The following TSEN2 variants were observed in gnomAD, a reference collection of about 807,000 sequenced individuals.
TSEN2 encodes the protein tRNA-splicing endonuclease subunit Sen2.
In TSEN2, 54 loss-of-function variants were observed where a neutral mutation model predicts 59.2. That is an observed-to-expected ratio of 0.91 (90% CI 0.73 to 1.14). The LOEUF is 1.14. TSEN2 is among the 50% of genes most tolerant of loss of function. TSEN2 has a pLI of 0.00. For missense variants in TSEN2, 636 were observed against 576.2 expected, an observed-to-expected ratio of 1.10 and a Z score of -1.06; for synonymous variants, 195 against 198.2, an observed-to-expected ratio of 0.98 and a Z score of 0.14.
At chr3:12,484,278 T>C (rs945810530), upstream of TSEN2, among the ~76,000 whole-genome samples, 15 of 152,220 alleles carry the variant, frequency 9.9e-5, no homozygotes, top group African/African-American at 3.6e-4. Context: ...CTGGCTTCCG[T>C]ACAATCCTGC....
intron 9 of TSEN2, among the ~76,000 whole-genome samples, 189 bp downstream of exon 9, chr3:12,529,113 T>A (rs1312278862): frequency 6.6e-6 from 1 of 152,216 alleles, no homozygotes; most frequent in Admixed American, 6.5e-5. Flanking sequence ...ATGCATAGTT[T>A]ATGATAATAT....
At chr3:12,481,182 A>G (rs1248730895), upstream of TSEN2, among the ~76,000 whole-genome samples, 1 of 152,210 alleles carries the variant, frequency 6.6e-6, no homozygotes, top group East Asian at 1.9e-4. Flanking sequence ...TTCTGGGCAC[A>G]TTTCACCGAT....
chr3:12,527,510 G>A (rs2057183688), intron 8 of TSEN2, among the ~76,000 whole-genome samples: 1 of 147,912 alleles, frequency 6.8e-6, no homozygotes, highest in Non-Finnish European at 1.5e-5. Flanking sequence ...CTGGAGTGCA[G>A]TGGCGGGATC....
exon 11 of TSEN2, chr3:12,539,438 G>A (rs569686006): frequency 4.8e-5 from 10 of 207,034 alleles, no homozygotes; most frequent in Admixed American, 2.2e-4. Flanking sequence ...CCAGCTCTTA[G>A]CATGTGCTTT....
At chr3:12,524,405 C>T (rs114175358) in intron 8 of TSEN2, among the ~76,000 whole-genome samples, 8,587 of 152,264 alleles carry the variant, frequency 0.056, 339 homozygotes, top group Non-Finnish European at 0.081. Context: ...GCCAGGCTCC[C>T]TCCAAAGGCT....
intron 5 of TSEN2, among the ~76,000 whole-genome samples, chr3:12,504,895 G>T (rs2054649918): frequency 6.6e-6 from 1 of 152,168 alleles, no homozygotes; most frequent in South Asian, 2.1e-4. Context: ...CAGCTACTGG[G>T]AAGGCTGAGG....
downstream of TSEN2, among the ~76,000 whole-genome samples, chr3:12,537,404 A>G (rs1248127014): frequency 6.6e-6 from 1 of 152,178 alleles, no homozygotes; most frequent in Non-Finnish European, 1.5e-5. Flanking sequence ...GTCTCCAAGA[A>G]AATAAATAAA....
intron 2 of TSEN2, 133 bp from the exon 3 acceptor site, chr3:12,492,003 T>G: frequency 1.4e-6 from 1 of 720,490 alleles, no homozygotes; most frequent in South Asian, 1.6e-5. Flanking sequence ...CTCGACCATC[T>G]GCCGATTTTG....
chr3:12,489,786 T>A lies in TSEN2; in HGVS notation c.-15T>A. 6.2e-7 allele frequency: 1 copy of A among 1,611,484 alleles called. No homozygotes were observed. The highest frequency in any genetic ancestry group is 8.5e-7 in the Non-Finnish European group (1 of 1,179,764). On this transcript the variant is annotated splice_region_variant and 5_prime_UTR_variant, in exon 2 of 12. Coordinates refer to ENST00000284995, the MANE Select transcript of TSEN2 (RefSeq NM_025265.4). ...TGTTTGTTGTCTACTCTTTAAAGAA[T>A]ACCTCCTCTGAAAAATGGCAGAAGC...
chr3:12,524,139 C>G (rs1351040561), intron 8 of TSEN2, among the ~76,000 whole-genome samples: 3 of 152,072 alleles, frequency 2.0e-5, no homozygotes, highest in Non-Finnish European at 4.4e-5. Context: ...TTCTGTGTTG[C>G]CCAAGCTGGG....
At chr3:12,486,446 GTTTC>G (rs771547929) in intron 1 of TSEN2, among the ~76,000 whole-genome samples, 61 of 152,280 alleles carry the variant, frequency 4.0e-4, no homozygotes, top group Middle Eastern at 3.4e-3. Context: ...TTCCCTGAGG[GTTTC>G]TTTCTATCTT....
At chr3:12,531,432 G>A (rs1324418781) in intron 10 of TSEN2, 138 bp from the exon 11 acceptor site, 1 of 638,646 alleles carries the variant, frequency 1.6e-6, no homozygotes, top group African/African-American at 1.8e-5. Context: ...TCCCCAGGAG[G>A]AAACTGATGT....
intron 6 of TSEN2, among the ~76,000 whole-genome samples, chr3:12,511,959 A>C (rs2055517539): frequency 6.6e-6 from 1 of 152,260 alleles, no homozygotes; most frequent in South Asian, 2.1e-4. Flanking sequence ...TGTTAAAGAC[A>C]AAGGCAAAAT....
chr3:12,486,126 T>A (rs542213390), intron 1 of TSEN2, among the ~76,000 whole-genome samples: 1 of 152,320 alleles, frequency 6.6e-6, no homozygotes, highest in East Asian at 1.9e-4. Flanking sequence ...CCAGTCCTTC[T>A]GTGGATACCA....
chr3:12,536,156 G>C (rs2057668958), downstream of TSEN2, among the ~76,000 whole-genome samples: 2 of 152,190 alleles, frequency 1.3e-5, no homozygotes, highest in Admixed American at 1.3e-4. Context: ...AAAATAGCTG[G>C]AGGTAAAGTA....
chr3:12,481,923 GTA>G (rs10557886), upstream of TSEN2, among the ~76,000 whole-genome samples: 59,452 of 147,974 alleles, frequency 0.4, 12,281 homozygotes, highest in African/African-American at 0.52. Flanking sequence ...GTGTGTCTGC[GTA>G]TATATATATA....
chr3:12,536,020 C>T (rs1430062018), downstream of TSEN2, among the ~76,000 whole-genome samples: 2 of 152,222 alleles, frequency 1.3e-5, no homozygotes, highest in Non-Finnish European at 2.9e-5. Flanking sequence ...GCGTCTGGCA[C>T]ACAGTAGGTG....
intron 6 of TSEN2, chr3:12,514,906 C>T (rs1201608691): frequency 6.6e-6 from 1 of 152,072 alleles, no homozygotes; most frequent in Non-Finnish European, 1.5e-5. Flanking sequence ...TTGGAAGAGG[C>T]TTCGTTTTTC....
downstream of TSEN2, among the ~76,000 whole-genome samples, chr3:12,534,727 C>G (rs536171918): frequency 6.6e-6 from 1 of 151,804 alleles, no homozygotes; most frequent in South Asian, 2.1e-4. Flanking sequence ...TGGCATGAAC[C>G]CAGGAGGTGG....
Sources: gnomAD v4.1 joint callset for allele counts (sites outside exome capture counted in the v4.1 genomes callset) on GRCh38, gnomAD v4.1.1 for gene constraint, MANE v1.5 for transcripts, NCBI Gene and HGNC (gene_info 2026-07-23, HGNC 2026-07-21) for gene names.